MAP3K14: variants seen among roughly 807,000 people sequenced by gnomAD.
MAP3K14 encodes the protein NF-kappa-beta-inducing kinase.
MAP3K14 carries 16 observed loss-of-function variants against 99.2 expected under a neutral mutation model. The ratio of observed to expected loss-of-function variants is 0.16; its 90% confidence interval spans 0.11 to 0.24. The LOEUF (loss-of-function observed/expected upper bound fraction) is 0.24. Among genes scored for constraint, MAP3K14 ranks in the 10% least tolerant of loss-of-function variants. The pLI is 1.00. For missense variants in MAP3K14, 784 were observed against 1,208.7 expected, an observed-to-expected ratio of 0.65 and a Z score of 5.21; for synonymous variants, 462 against 492.4, an observed-to-expected ratio of 0.94 and a Z score of 0.82.
chr17:45,308,487 T>G (rs146800633), intron 1 of MAP3K14, among the ~76,000 whole-genome samples: 2 of 152,264 alleles, frequency 1.3e-5, no homozygotes, highest in East Asian at 3.9e-4. Context: ...GGCTACTCAC[T>G]GTCTGATTCT....
intron 1 of MAP3K14, among the ~76,000 whole-genome samples, chr17:45,300,643 G>A (rs1235457836): frequency 6.6e-6 from 1 of 151,990 alleles, no homozygotes; most frequent in African/African-American, 2.4e-5. Flanking sequence ...ACTGTACAAC[G>A]GCCTCCTTTT....
At chr17:45,305,950 G>A (rs1193042031) in intron 1 of MAP3K14, among the ~76,000 whole-genome samples, 1 of 152,198 alleles carries the variant, frequency 6.6e-6, no homozygotes, top group African/African-American at 2.4e-5. Context: ...GATGAACTGG[G>A]ACCCACAATT....
At chr17:45,288,241 C>A (rs551857800) in intron 3 of MAP3K14, among the ~76,000 whole-genome samples, 3 of 152,198 alleles carry the variant, frequency 2.0e-5, no homozygotes, top group Non-Finnish European at 2.9e-5. Flanking sequence ...CAGAAGGAAT[C>A]CCACCAAACT....
In MAP3K14 at chr17:45,287,024, C is replaced by G; in HGVS notation, c.559G>C (p.Ala187Pro). The change falls in exon 5 of 16, where the codon GCC becomes CCC. Residue 187 changes from alanine (A) to proline (P), a missense_variant. Coordinates refer to ENST00000344686, the MANE Select transcript of MAP3K14 (RefSeq NM_003954.5). ...PVQEDESPLG[A>P]PYVRNTPQFT... is the part of the protein sequence containing the mutation. ...TGCGGGGTGTTTCTAACATATGGGGCGCCGAGTGGAGACTCATCCTCCTGC... is the reference window on the plus strand; with the variant it reads ...TGCGGGGTGTTTCTAACATATGGGGGGCCGAGTGGAGACTCATCCTCCTGC... 5.6e-6 allele frequency: 9 copies of G among 1,612,348 alleles called. No homozygotes were observed. Among genetic ancestry groups the G allele is most frequent in the Non-Finnish European group, 7.6e-6 (9 of 1,178,590 alleles).
rs775553957 is a variant in MAP3K14, at chr17:45,268,111, C to A, written c.1973-352G>T. ...CCCTGGGGCTACACCAACTCAAGAGCTCCCAGGCAAAGTGGCATCCTGGAC... is the reference window on the plus strand; with the variant it reads ...CCCTGGGGCTACACCAACTCAAGAGATCCCAGGCAAAGTGGCATCCTGGAC... On this transcript the variant is annotated intron_variant, in intron 11 of 15. Coordinates refer to ENST00000344686, the MANE Select transcript of MAP3K14 (RefSeq NM_003954.5). The A allele has an allele frequency of 2.5e-5, 6 of 238,100 alleles. 1 individual carries two copies. The highest frequency in any genetic ancestry group is 2.4e-4 in the Admixed American group (4 of 16,792). 14.7% of individuals were successfully genotyped at this position (238,100 alleles called of 1,614,324 possible).
intron 1 of MAP3K14, among the ~76,000 whole-genome samples, chr17:45,315,425 G>T (rs965980761): frequency 1.3e-5 from 2 of 152,082 alleles, no homozygotes; most frequent in African/African-American, 4.8e-5. Flanking sequence ...AGTCAGAGAC[G>T]ATTACTTTTA....
chr17:45,277,988 T>G (rs1353683413), intron 6 of MAP3K14, among the ~76,000 whole-genome samples: 1 of 152,206 alleles, frequency 6.6e-6, no homozygotes, highest in Non-Finnish European at 1.5e-5. Flanking sequence ...AGGACCCTTT[T>G]TCTTTCAACT....
At chr17:45,298,744 C>T (rs9908076) in intron 1 of MAP3K14, among the ~76,000 whole-genome samples, 26,629 of 152,144 alleles carry the variant, frequency 0.18, 4,770 homozygotes, top group African/African-American at 0.46. Context: ...TGTTGGGCCC[C>T]GTGCTGAGTG....
At position 45,267,440 on chromosome 17, in the gene MAP3K14, G is replaced by A. The variant is rs746706058; in HGVS notation, c.2292C>T (p.Thr764=). Reference sequence around the variant, plus strand: ...GCTGCTGCAGTTCCTGCTCCGGGACGGTTGCTTTCCGCTCTGGTGAGCTGG... The same window carrying A: ...GCTGCTGCAGTTCCTGCTCCGGGACAGTTGCTTTCCGCTCTGGTGAGCTGG... ...RNPSSPERKA[T]VPEQELQQLE... Residue 764 remains threonine, a synonymous_variant, in exon 12 of 16, where the codon ACC becomes ACT. Transcript: ENST00000344686. This position sits in a 1 kb window ranked among gnomAD's most constrained non-coding sequence, Gnocchi z 5.1. 13 of 1,606,086 alleles carry A rather than the reference G, an allele frequency of 8.1e-6. No homozygotes were observed. Among genetic ancestry groups the A allele is most frequent in the Middle Eastern group, 3.4e-4 (2 of 5,926 alleles).
intron 11 of MAP3K14, among the ~76,000 whole-genome samples, chr17:45,269,605 G>A (rs2044126419): frequency 6.6e-6 from 1 of 152,108 alleles, no homozygotes; most frequent in Admixed American, 6.6e-5. Context: ...GGGGGCTAAA[G>A]GTTAAGCGGT....
intron 6 of MAP3K14, among the ~76,000 whole-genome samples, chr17:45,280,118 C>T (rs1484679214): frequency 1.3e-5 from 2 of 152,216 alleles, no homozygotes; most frequent in East Asian, 1.9e-4. Flanking sequence ...GCCAGGGCCA[C>T]ATTATCCCAG....
chr17:45,316,050 G>A (rs73984373), intron 1 of MAP3K14, among the ~76,000 whole-genome samples: 3,370 of 152,240 alleles, frequency 0.022, 138 homozygotes, highest in African/African-American at 0.078. Flanking sequence ...CCTTAATTAA[G>A]TCATTGGTGT....
chr17:45,270,946 C>T (rs1246645435), intron 10 of MAP3K14, 112 bp downstream of exon 10: 7 of 1,396,838 alleles, frequency 5.0e-6, no homozygotes, highest in Non-Finnish European at 5.9e-6. Flanking sequence ...ACATGGATGA[C>T]CAGGCCTCCC....
intron 6 of MAP3K14, among the ~76,000 whole-genome samples, chr17:45,277,824 T>G (rs2044191706): frequency 6.6e-6 from 1 of 152,162 alleles, no homozygotes. Flanking sequence ...ATAATGTATC[T>G]CTATGAAGCT....
chr17:45,274,093 G>C, intron 8 of MAP3K14, 30 bp downstream of exon 8: 1 of 1,601,624 alleles, frequency 6.2e-7, no homozygotes. Flanking sequence ...GAGCCTGCTG[G>C]GGATCAGGGC....
At position 45,264,902 on chromosome 17, in the gene MAP3K14, G is replaced by A. The variant is rs1337557230; in HGVS notation, c.2680-102C>T. Reference sequence around the variant, plus strand: ...TCCAGCCAGACCGGCAGCCCTAAGGGCACTGCCTGTCTGTCATTCCACGGG... The same window carrying A: ...TCCAGCCAGACCGGCAGCCCTAAGGACACTGCCTGTCTGTCATTCCACGGG... On this transcript the variant is annotated intron_variant, in intron 15 of 15. Transcript: ENST00000344686. 10 of 1,247,572 alleles carry A rather than the reference G, an allele frequency of 8.0e-6. No individual in the cohort carries two copies. The Admixed American group carries it at 1.8e-4, about 22-fold the overall frequency. The allele number at this position is 1,247,572 out of a possible 1,614,324, so 77.3% of individuals were successfully genotyped here.
At chr17:45,280,956 T>C (rs781237266) in intron 6 of MAP3K14, among the ~76,000 whole-genome samples, 5 of 152,124 alleles carry the variant, frequency 3.3e-5, no homozygotes, top group Admixed American at 2.6e-4. Context: ...ATGGATCCTA[T>C]CAATCCATCC....
Position 45,274,230 on chromosome 17 carries a change from T to C in MAP3K14, c.1445A>G (p.Lys482Arg). 6.3e-7 allele frequency: 1 copy of C among 1,599,624 alleles called. No individual in the cohort carries two copies. Among genetic ancestry groups the C allele is most frequent in the Non-Finnish European group, 8.5e-7 (1 of 1,173,148 alleles). ...LEGGSLGQLV[K>R]EQGCLPEDRA... is the part of the protein sequence containing the mutation. The stretch of plus-strand genomic sequence containing the variant: ...GTCCTCTGGGAGACAGCCCTGCTCC[T>C]TGACCAGCTGGCCCAGGGAGCCACC... Residue 482 changes from lysine to arginine, a missense_variant, in exon 8 of 16, where the codon AAG becomes AGG. By Grantham distance (26) the Lys-to-Arg change is conservative. This residue lies in a region of MAP3K14 where 200 missense variants were observed against 367.9 expected (regional missense o/e 0.54). Transcript: ENST00000344686.
At chr17:45,310,175 A>G (rs1018260723) in intron 1 of MAP3K14, among the ~76,000 whole-genome samples, 41 of 151,888 alleles carry the variant, frequency 2.7e-4, no homozygotes, top group African/African-American at 9.9e-4. Context: ...CTGGGATTAC[A>G]GGCATGTGCC....
Sources: allele counts gnomAD v4.1 joint callset (sites outside exome capture counted in the v4.1 genomes callset), GRCh38; gene constraint gnomAD v4.1.1; regional missense constraint gnomAD v4.1.1; non-coding constraint Gnocchi (gnomAD v3.1); transcripts MANE v1.5; gene names NCBI Gene and HGNC (gene_info 2026-07-23, HGNC 2026-07-21).